WDR24: variants seen among roughly 807,000 people sequenced by gnomAD.
The protein encoded by WDR24 is WD repeat domain 24.
Under a neutral mutation model 66.7 loss-of-function variants are expected in WDR24, and 32 were observed. The ratio of observed to expected loss-of-function variants is 0.48; its 90% CI spans 0.36 to 0.64. The LOEUF is 0.64. Ranked by LOEUF, WDR24 falls within the 30% of genes least tolerant of loss-of-function variation. The pLI is 0.00. For missense variants in WDR24, 978 were observed against 1,144.1 expected (o/e 0.85, Z 2.09); for synonymous variants, 565 against 469.1 (o/e 1.20, Z -2.64).
chr16:687,914 A>G (rs746625345), intron 1 of WDR24, 175 bp from the exon 2 acceptor site: 2 of 830,496 alleles, frequency 2.4e-6, no homozygotes, highest in South Asian at 1.4e-5. Flanking sequence ...AGTCGCCACA[A>G]GAGCCTGGGC....
rs2039879737 is a variant in WDR24, at chr16:685,316, C to T, written c.1960G>A (p.Val654Met). The T allele has an allele frequency of 6.2e-7, 1 of 1,604,988 alleles. No individual in the cohort carries two copies. ...YAEQGDVQMA[V>M]SVLIVLGERV... ...TCACCCAGGACGATGAGCACAGACA[C>T]AGCCATCTGCACGTCGCCCTGCTCA... Residue 654 changes from valine to methionine, a missense_variant, in exon 7 of 9, where the codon GTG becomes ATG. By Grantham distance (21) the Val-to-Met change is conservative (BLOSUM62 1). This residue lies in a region of WDR24 where 676 missense variants were observed against 617.5 expected (regional missense o/e 1.09). Coordinates refer to ENST00000293883, the MANE Select transcript of WDR24 (RefSeq NM_032259.4).
chr16:688,134 C>A, intron 1 of WDR24: 1 of 457,982 alleles, frequency 2.2e-6, no homozygotes, highest in Non-Finnish European at 4.4e-6. Context: ...GGTGCCCCAG[C>A]CTTGGCCCAG....
Position 684,684 on chromosome 16 carries a change from C to A in WDR24, c.*50G>T. The A allele has an allele frequency of 6.6e-7, 1 of 1,519,430 alleles. No homozygotes were observed. 94.1% of individuals were successfully genotyped at this position (1,519,430 alleles called of 1,614,324 possible). Reference sequence around the variant, plus strand: ...CCTCCGCCCGTCTCGGGCACAAGACCAGGCGGGGTTCTGCACGCGGCCGCC... The same window carrying A: ...CCTCCGCCCGTCTCGGGCACAAGACAAGGCGGGGTTCTGCACGCGGCCGCC... On this transcript the variant is annotated 3_prime_UTR_variant, in exon 9 of 9. Transcript: ENST00000293883.
rs752938193 is a variant in WDR24 at position 687,521 on chromosome 16, G to A, written c.659+41C>T. ...GTCTCATGGATCTGAGGCAGTGAGA[G>A]CTTACTGTCAACCTACTGCCCCTGC... On this transcript the variant is annotated intron_variant, in intron 2 of 8. Coordinates refer to ENST00000293883, the MANE Select transcript of WDR24 (RefSeq NM_032259.4). 5 of 1,603,224 alleles carry A rather than the reference G, an allele frequency of 3.1e-6. No homozygotes were observed. The South Asian group carries it at 5.5e-5, about 18-fold the overall frequency.
At position 689,326 on chromosome 16, in the gene WDR24, G is replaced by C. The variant is rs150137332; in HGVS notation, c.315C>G (p.Gly105=). ...TNGVVVTWNL[G]RPSRNKQDQL... is the part of the protein sequence containing the mutation. ...GGTCCTGCTTGTTGCGGGATGGCCG[G>C]CCCAGGTTCCACGTGACCACCACGC... is the stretch of plus-strand genomic sequence containing the variant. Residue 105 remains glycine (G), a synonymous_variant, in exon 1 of 9, where the codon GGC becomes GGG. Transcript: ENST00000293883. 67 of 1,613,664 alleles carry C rather than the reference G, an allele frequency of 4.2e-5. No individual in the cohort carries two copies. The highest frequency in any genetic ancestry group is 5.3e-5 in the Non-Finnish European group (63 of 1,180,022).
chr16:688,009 G>T, intron 1 of WDR24: 1 of 615,368 alleles, frequency 1.6e-6, no homozygotes, highest in Non-Finnish European at 3.0e-6. Flanking sequence ...CGGTCCATGA[G>T]CAAAGCTGTG....
chr16:684,881 C>T lies in WDR24; in HGVS notation c.2226G>A (p.Met742Ile). The stretch of plus-strand genomic sequence containing the variant: ...TGACTACGTGGTGGCAGACGGCACA[C>T]ATGCTGGCGCAGCGGTGGCACCTGG... ...VCDRCHRCAS[M>I]CAVCHHVVKG... The change falls in exon 9 of 9, where the codon ATG becomes ATA. Residue 742 changes from methionine (M) to isoleucine (I), a missense_variant. By Grantham distance (10) the Met-to-Ile change is conservative. This residue lies in a region of WDR24 where 676 missense variants were observed against 617.5 expected (regional missense o/e 1.09). Transcript: ENST00000293883. 7.2e-7 allele frequency: 1 copy of T among 1,397,838 alleles called. No individual in the cohort carries two copies. The highest frequency in any genetic ancestry group is 9.5e-7 in the Non-Finnish European group (1 of 1,052,046). 86.6% of individuals were successfully genotyped at this position (1,397,838 alleles called of 1,614,324 possible).
chr16:686,958 C>T lies in WDR24; in HGVS notation c.1118G>A (p.Arg373Gln), dbSNP rs776909405. The change falls in exon 3 of 9, where the codon CGG becomes CAG. Residue 373 changes from arginine to glutamine, a missense_variant. Around this residue, in one of 2 missense-constraint regions of WDR24, gnomAD observed 676 missense variants for 617.5 expected, o/e 1.09. Transcript: ENST00000293883. ...ESGRKPYTGD[R>Q]RHPIFFKRKL... ...GCGCTTAAAGAAGATGGGGTGGCGC[C>T]GGTCGCCAGTGTAGGGCTTGCGCCC... is the stretch of plus-strand genomic sequence containing the variant. The T allele has an allele frequency of 6.3e-6, 10 of 1,599,386 alleles. No homozygotes were observed. Among genetic ancestry groups the T allele is most frequent in the Admixed American group, 5.1e-5 (3 of 58,730 alleles).
At position 690,114 on chromosome 16, in the gene WDR24, C is replaced by T. The variant is rs1224387244; in HGVS notation, c.-474G>A. 2.2e-6 allele frequency: 1 copy of T among 456,990 alleles called. No individual in the cohort carries two copies. Among genetic ancestry groups the T allele is most frequent in the Non-Finnish European group, 4.4e-6 (1 of 227,708 alleles). The allele number at this position is 456,990 out of a possible 1,614,324, so 28.3% of individuals were successfully genotyped here. A position where few individuals can be genotyped will look rare whatever the true frequency, so the allele number is the denominator to read the frequency against. ...GGGAGGAACAAAAGAGGGGAGGGAA[C>T]AGAGGGCTAGAGGGGCCCGGGGACT... On this transcript the variant is annotated 5_prime_UTR_variant, in exon 1 of 9. Coordinates refer to ENST00000293883, the MANE Select transcript of WDR24 (RefSeq NM_032259.4).
chr16:687,184 C>G lies in WDR24; in HGVS notation c.892G>C (p.Asp298His), dbSNP rs1164529152. The change falls in exon 3 of 9, where the codon GAC (aspartate) becomes CAC (histidine). Residue 298 changes from aspartate (D) to histidine (H), a missense_variant. Asp to His is a moderately conservative substitution (Grantham distance 81, BLOSUM62 -1). Coordinates refer to ENST00000293883, the MANE Select transcript of WDR24 (RefSeq NM_032259.4). ...CGCCAGGCAATTCCCGTGGTGACGT[C>G]TCGGTGTTCCTCAAACATGGCAGCT... ...VPAAMFEEHR[D>H]VTTGIAWRHP... The G allele has an allele frequency of 6.2e-7, 1 of 1,612,620 alleles. No homozygotes were observed. The highest frequency in any genetic ancestry group is 1.3e-5 in the African/African-American group (1 of 74,942).
chr16:687,772 CG>C (rs1368334156), intron 1 of WDR24, 33 bp from the exon 2 acceptor site: 1 of 1,603,032 alleles, frequency 6.2e-7, no homozygotes, highest in Non-Finnish European at 8.5e-7. Flanking sequence ...GGGGAAGTGA[CG>C]GGGCTGGCCC....
In WDR24 at chr16:685,412, CGT is replaced by C. The variant is rs1567292252; in HGVS notation, c.1862_1863del (p.His621ArgfsTer25). On this transcript the variant is annotated frameshift_variant, in exon 7 of 9. Coordinates refer to ENST00000293883, the MANE Select transcript of WDR24 (RefSeq NM_032259.4). LOFTEE classifies it high-confidence loss of function. The stretch of plus-strand genomic sequence containing the variant: ...GGCGGCAGGCGGCTGTCGTAGAGCG[CGT>C]GTGAGACAGACAGGAGCGAGAAGGA... ...DSSFSLLSVS[H>X]ALYDSRLPPD... 1.2e-6 allele frequency: 2 copies of C among 1,612,460 alleles called. No individual in the cohort carries two copies. Among genetic ancestry groups the C allele is most frequent in the South Asian group, 1.1e-5 (1 of 91,076 alleles).
Position 686,812 on chromosome 16 carries a change from C to G in WDR24, c.1264G>C (p.Ala422Pro). 1 of 1,611,714 alleles carries G rather than the reference C, an allele frequency of 6.2e-7. No individual in the cohort carries two copies. The highest frequency in any genetic ancestry group is 8.5e-7 in the Non-Finnish European group (1 of 1,179,336). Residue 422 changes from alanine to proline, a missense_variant, in exon 3 of 9, where the codon GCT (alanine) becomes CCT (proline). Physicochemically the swap from Ala to Pro is conservative, Grantham distance 27. Transcript: ENST00000293883. ...CAGAGCTCGGCCAGTGGCCGGCCAG[C>G]CAGCGCATAACGCTCAGCTGTGTCC... is the stretch of plus-strand genomic sequence containing the variant. ...FVDTAERYAL[A>P]GRPLAELCDH...
At position 685,703 on chromosome 16, in the gene WDR24, G is replaced by A. The variant is rs531441132; in HGVS notation, c.1654C>T (p.Leu552=). ...CGGTGCGCGTGTTCCGGATCCAGCA[G>A]GTACAGCTCGTCCTCCTCACCTTCC... ...DVEGEEDELY[L]LDPEHAHPED... is the part of the protein sequence containing the mutation. The change falls in exon 6 of 9, where the codon CTG becomes TTG. Residue 552 remains leucine, a synonymous_variant. Coordinates refer to ENST00000293883, the MANE Select transcript of WDR24 (RefSeq NM_032259.4). The A allele has an allele frequency of 3.1e-6, 5 of 1,613,230 alleles. No homozygotes were observed. The East Asian group carries it at 8.9e-5, about 29-fold the overall frequency.
At chr16:688,843 G>A (rs902741152) in intron 1 of WDR24, among the ~76,000 whole-genome samples, 4 of 152,232 alleles carry the variant, frequency 2.6e-5, no homozygotes, top group African/African-American at 4.8e-5. Context: ...CCGACATGAG[G>A]GAAGGGAGTC....
In WDR24 at chr16:684,983, C is replaced by G; in HGVS notation, c.2204+9G>C. 2 of 1,542,600 alleles carry G rather than the reference C, an allele frequency of 1.3e-6. No homozygotes were observed. Among genetic ancestry groups the G allele is most frequent in the Non-Finnish European group, 1.7e-6 (2 of 1,146,602 alleles). ...GCCCCTGCCCCACCTCCCGACCCCA[C>G]TGCCCCACCTGTCGCAGACCCAGCC... On this transcript the variant is annotated intron_variant, in intron 8 of 8. Transcript: ENST00000293883.
At chr16:686,319 G>T in intron 3 of WDR24, 133 bp from the exon 4 acceptor site, 1 of 1,026,196 alleles carries the variant, frequency 9.7e-7, no homozygotes, top group Non-Finnish European at 1.4e-6. Context: ...CCCACCCCAG[G>T]TAGGAAAGCT....
rs1431788535 is a variant in WDR24 at position 689,368 on chromosome 16, G to A, written c.273C>T (p.Ala91=). Residue 91 remains alanine, a synonymous_variant, in exon 1 of 9, where the codon GCC becomes GCT. Coordinates refer to ENST00000293883, the MANE Select transcript of WDR24 (RefSeq NM_032259.4). ...CCACCACGCCATTGGTGGCTGCTGT[G>A]GCCAGCAGGTTCTCATCCATCTGGT... ...VWHQMDENLL[A]TAATNGVVVT... 4.3e-6 allele frequency: 7 copies of A among 1,613,442 alleles called. No homozygotes were observed. Among genetic ancestry groups the A allele is most frequent in the Admixed American group, 1.7e-5 (1 of 59,994 alleles).
In WDR24 at chr16:690,140, C is replaced by T; in HGVS notation, c.-500G>A. 1 of 436,422 alleles carries T rather than the reference C, an allele frequency of 2.3e-6. No individual in the cohort carries two copies. The highest frequency in any genetic ancestry group is 4.6e-6 in the Non-Finnish European group (1 of 216,862). The allele number at this position is 436,422 out of a possible 1,614,324, so 27.0% of individuals were successfully genotyped here. A position where few individuals can be genotyped will look rare whatever the true frequency, so the allele number is the denominator to read the frequency against. On this transcript the variant is annotated 5_prime_UTR_variant, in exon 1 of 9. Transcript: ENST00000293883. ...AGAGGGCTAGAGGGGCCCGGGGACTCAGGCGATAGACGCGGGAAGGGCCCA... is the reference window on the plus strand; with the variant it reads ...AGAGGGCTAGAGGGGCCCGGGGACTTAGGCGATAGACGCGGGAAGGGCCCA...
Sources: allele counts gnomAD v4.1 joint callset (sites outside exome capture counted in the v4.1 genomes callset), GRCh38; gene constraint gnomAD v4.1.1; regional missense constraint gnomAD v4.1.1; transcripts MANE v1.5; gene names NCBI Gene and HGNC (gene_info 2026-07-23, HGNC 2026-07-21).